The following GSE1 variants were observed in gnomAD, a reference collection of about 807,000 sequenced individuals.
GSE1 encodes Gse1 coiled-coil protein.
GSE1 carries 32 observed loss-of-function variants against 112.6 expected under a neutral mutation model. The ratio of observed to expected loss-of-function variants is 0.28; its 90% confidence interval spans 0.21 to 0.38. The LOEUF (loss-of-function observed/expected upper bound fraction) is 0.38, where lower values mean the gene tolerates loss of function less well. Among genes scored for constraint, GSE1 ranks in the 10% least tolerant of loss-of-function variants. The pLI is 1.00. For synonymous variants in GSE1, 1,115 were observed against 735.6 expected (o/e 1.52, Z -8.35); for missense variants, 2,348 against 1,699.2 (o/e 1.38, Z -6.71).
chr16:85,665,537 C>T lies in GSE1; in HGVS notation c.2758+409C>T, dbSNP rs369667498. 2.6e-5 allele frequency among the ~76,000 whole-genome samples: 4 copies of T among 152,286 alleles called. No individual in the cohort carries two copies. In the South Asian group the frequency reaches 6.2e-4, roughly 24 times the overall value. ...CCCTGGCTCTCTTCCTGCTCTTTGT[C>T]TTCCTCACTCTGCCCTCTGGGCCCT... On this transcript the variant is annotated intron_variant, in intron 12 of 15. Transcript: ENST00000253458.
At chr16:85,205,273 A>AG (rs2075095861) in intron 1 of GSE1, among the ~76,000 whole-genome samples, 1 of 152,072 alleles carries the variant, frequency 6.6e-6, no homozygotes. Context: ...CTGGAATTAC[A>AG]GGTGCCCACC....
chr16:85,558,143 A>T (rs982648423), intron 1 of GSE1, among the ~76,000 whole-genome samples: 6 of 152,194 alleles, frequency 3.9e-5, no homozygotes, highest in Non-Finnish European at 8.8e-5. Flanking sequence ...TATCTCTCCC[A>T]TGGGAAGATT....
At chr16:85,296,514 C>A (rs1250969450) in intron 1 of GSE1, among the ~76,000 whole-genome samples, 1 of 152,126 alleles carries the variant, frequency 6.6e-6, no homozygotes, top group Non-Finnish European at 1.5e-5. Flanking sequence ...TGCTGAGGCA[C>A]TAGAATCGTT....
chr16:85,246,500 ACCC>A lies in GSE1; in HGVS notation c.2283+74704_2283+74706del, dbSNP rs745863746. On this transcript the variant is annotated intron_variant, in intron 1 of 2. Coordinates refer to the GSE1 transcript ENST00000637419. ...ACACACACACACACACACTCTACAC[ACCC>A]CCCCCCCCCCGACGCTGTCTGCAGG... Among the ~76,000 whole-genome samples the A allele has an allele frequency of 9.2e-4, 17 of 18,506 alleles. 2 individuals carry two copies. The highest frequency in any genetic ancestry group is 3.9e-3 in the East Asian group (2 of 508). The allele number at this position is 18,506 out of a possible 152,430, so 12.1% of individuals were successfully genotyped here.
intron 1 of GSE1, among the ~76,000 whole-genome samples, chr16:85,203,322 C>T (rs745438198): frequency 7.2e-5 from 11 of 152,176 alleles, no homozygotes; most frequent in Admixed American, 1.3e-4. Context: ...GTGAAGCAGG[C>T]ACACCTGTGT....
chr16:85,668,929 TAA>T (rs2053105540), intron 14 of GSE1, among the ~76,000 whole-genome samples: 1 of 152,242 alleles, frequency 6.6e-6, no homozygotes, highest in Non-Finnish European at 1.5e-5. Context: ...AGGCTCCTGG[TAA>T]AGGCTTAGTC....
At chr16:85,609,962 G>A (rs953689188), upstream of GSE1, among the ~76,000 whole-genome samples, 3 of 152,206 alleles carry the variant, frequency 2.0e-5, no homozygotes, top group Admixed American at 1.3e-4. Flanking sequence ...CCTTAGGAAA[G>A]CTTTTAAATT....
intron 1 of GSE1, among the ~76,000 whole-genome samples, chr16:85,633,197 G>T (rs183343645): frequency 1.3e-5 from 2 of 152,182 alleles, no homozygotes; most frequent in Non-Finnish European, 2.9e-5. Flanking sequence ...GCCACAGTGG[G>T]GTCTGCAGTG....
intron 2 of GSE1, among the ~76,000 whole-genome samples, chr16:85,370,728 G>A (rs571564991): frequency 6.6e-6 from 1 of 152,206 alleles, no homozygotes; most frequent in Non-Finnish European, 1.5e-5. Context: ...ACTGCAGAAG[G>A]CCTGGAGTGA....
chr16:85,478,847 C>CTTTCTTTCTT (rs2050549687), intron 2 of GSE1, among the ~76,000 whole-genome samples: 1 of 5,878 alleles, frequency 1.7e-4, no homozygotes, highest in African/African-American at 5.9e-4. Flanking sequence ...TATTTTCTTT[C>CTTTCTTTCTT]TTTCTTTCTT....
At chr16:85,464,668 C>A (rs1441115123) in intron 2 of GSE1, among the ~76,000 whole-genome samples, 3 of 152,244 alleles carry the variant, frequency 2.0e-5, no homozygotes, top group Admixed American at 6.5e-5. Context: ...TATACCTGGC[C>A]TGCAGGGTGT....
At chr16:85,286,648 G>T (rs947294765) in intron 1 of GSE1, among the ~76,000 whole-genome samples, 1 of 152,194 alleles carries the variant, frequency 6.6e-6, no homozygotes, top group African/African-American at 2.4e-5. Context: ...ATTATTTGGC[G>T]CTGCGGTTTA....
intron 2 of GSE1, among the ~76,000 whole-genome samples, chr16:85,520,523 G>C (rs927732710): frequency 6.6e-6 from 1 of 151,588 alleles, no homozygotes; most frequent in Non-Finnish European, 1.5e-5. Context: ...CCGGGCCCAA[G>C]TGATTCTCCT....
At chr16:85,605,390 G>A (rs1036094613) in intron 1 of GSE1, among the ~76,000 whole-genome samples, 1 of 152,044 alleles carries the variant, frequency 6.6e-6, no homozygotes, top group African/African-American at 2.4e-5. Context: ...CTGGTCTGGC[G>A]CCGAGAAGTG....
In GSE1 at chr16:85,635,387, C is replaced by T. The variant is rs375586600; in HGVS notation, c.226+1255C>T. On this transcript the variant is annotated intron_variant, in intron 2 of 15. Transcript: ENST00000253458. The stretch of plus-strand genomic sequence containing the variant: ...CCTCCACGCCCTTGGCAGGGGACTC[C>T]CTGGCCACACCTGAGCGGGCCAGGT... Among the ~76,000 whole-genome samples, 40 of 152,302 alleles carry T rather than the reference C, an allele frequency of 2.6e-4. No homozygotes were observed. The East Asian group carries it at 7.5e-3, about 29-fold the overall frequency.
chr16:85,613,317 T>G (rs977643082), upstream of GSE1: 2 of 1,549,620 alleles, frequency 1.3e-6, no homozygotes, highest in Non-Finnish European at 1.7e-6. Context: ...CCGGGTGAGA[T>G]AAGCAGTTTA....
At chr16:85,609,370 A>T (rs2047860988), upstream of GSE1, among the ~76,000 whole-genome samples, 1 of 152,196 alleles carries the variant, frequency 6.6e-6, no homozygotes, top group African/African-American at 2.4e-5. Context: ...AGTAGCTGGG[A>T]CCACAGGCTT....
At chr16:85,477,001 T>C (rs1174886945) in intron 2 of GSE1, among the ~76,000 whole-genome samples, 1 of 148,106 alleles carries the variant, frequency 6.8e-6, no homozygotes, top group Non-Finnish European at 1.5e-5. Flanking sequence ...CTCTACTAAC[T>C]GCAACCTCCA....
At chr16:85,550,857 C>T (rs1025628544) in intron 2 of GSE1, among the ~76,000 whole-genome samples, 5 of 152,210 alleles carry the variant, frequency 3.3e-5, no homozygotes, top group Non-Finnish European at 5.9e-5. Flanking sequence ...ATTGGGGATC[C>T]GGCGGGCCGC....
Sources: allele counts gnomAD v4.1 joint callset (sites outside exome capture counted in the v4.1 genomes callset), GRCh38; gene constraint gnomAD v4.1.1; transcripts MANE v1.5; gene names NCBI Gene and HGNC (gene_info 2026-07-23, HGNC 2026-07-21).